PPM1B: variants seen among roughly 807,000 people sequenced by gnomAD.
PPM1B encodes protein phosphatase 1B.
In PPM1B, 22 loss-of-function variants were observed where a neutral mutation model predicts 43.0. The observed-to-expected ratio is 0.51, with a 90% CI of 0.37 to 0.73. The LOEUF is 0.73. PPM1B is among the 30% of genes least tolerant of loss of function. The pLI, the probability that PPM1B is intolerant of heterozygous loss-of-function variation, is 0.00. For missense variants in PPM1B, 632 were observed against 584.2 expected (o/e 1.08, Z -0.84); for synonymous variants, 217 against 197.9 (o/e 1.10, Z -0.81).
In PPM1B at chr2:44,176,038, C is replaced by A. The variant is rs576016163; in HGVS notation, c.-15+6764C>A. Among the ~76,000 whole-genome samples the A allele has an allele frequency of 7.9e-4, 121 of 152,236 alleles. 1 individual carries two copies. Among genetic ancestry groups the A allele is most frequent in the Non-Finnish European group, 1.2e-3 (79 of 68,022 alleles). On this transcript the variant is annotated intron_variant, in intron 1 of 5. Coordinates refer to ENST00000282412, the MANE Select transcript of PPM1B (RefSeq NM_002706.6). ...TGACCTCATGATCCACCTGCCTCGG[C>A]CTCCCCAAGTGCTGGGATTACAGGC...
downstream of PPM1B, among the ~76,000 whole-genome samples, chr2:44,244,566 CGTT>C (rs548583153): frequency 9.5e-4 from 145 of 151,938 alleles, no homozygotes; most frequent in African/African-American, 3.3e-3. Flanking sequence ...TTTAATCTGG[CGTT>C]GTTTTCCTTC....
intron 1 of PPM1B, among the ~76,000 whole-genome samples, chr2:44,195,581 GT>G (rs1424184619): frequency 6.6e-6 from 1 of 152,136 alleles, no homozygotes; most frequent in Non-Finnish European, 1.5e-5. Context: ...CACTTTTGAT[GT>G]GGGAGGATTG....
intron 2 of PPM1B, among the ~76,000 whole-genome samples, chr2:44,206,092 G>A (rs977702608): frequency 6.6e-6 from 1 of 152,198 alleles, no homozygotes; most frequent in Non-Finnish European, 1.5e-5. Flanking sequence ...TATGGCAGGG[G>A]CACTGGCGTC....
chr2:44,187,854 A>G (rs1274702459), intron 1 of PPM1B, among the ~76,000 whole-genome samples: 1 of 151,968 alleles, frequency 6.6e-6, no homozygotes, highest in Non-Finnish European at 1.5e-5. Context: ...GGTTCACGCC[A>G]TTCTCCTGCC....
At chr2:44,233,335 TTTTCA>T (rs879047434), downstream of PPM1B, 4 of 981,384 alleles carry the variant, frequency 4.1e-6, no homozygotes, top group South Asian at 1.9e-4. Flanking sequence ...GTTCAGTAAC[TTTTCA>T]TTTTATAACA....
At chr2:44,197,257 C>A (rs1668706661) in intron 1 of PPM1B, among the ~76,000 whole-genome samples, 1 of 152,096 alleles carries the variant, frequency 6.6e-6, no homozygotes, top group Admixed American at 6.6e-5. Context: ...GTAACCCAGG[C>A]TACAGCCGTG....
chr2:44,244,787 A>G (rs1670823661), downstream of PPM1B, among the ~76,000 whole-genome samples: 1 of 143,544 alleles, frequency 7.0e-6, no homozygotes, highest in Admixed American at 6.9e-5. Flanking sequence ...AGTGACTTCC[A>G]GTATCTATAT....
intron 3 of PPM1B, 132 bp downstream of exon 3, chr2:44,209,459 G>A: frequency 1.1e-6 from 1 of 951,776 alleles, no homozygotes; most frequent in Non-Finnish European, 1.5e-6. Flanking sequence ...GAGAGGGAAA[G>A]TATTCTTTTT....
downstream of PPM1B, among the ~76,000 whole-genome samples, chr2:44,232,146 A>G (rs745693118): frequency 1.3e-5 from 2 of 152,240 alleles, no homozygotes; most frequent in Non-Finnish European, 2.9e-5. Flanking sequence ...CATATTAGAT[A>G]CACGTGTACA....
rs150003156 is a variant in PPM1B, at chr2:44,241,802, A to G, written n.1547-2426A>G. Among the ~76,000 whole-genome samples the G allele has an allele frequency of 5.6e-3, 852 of 152,020 alleles. 2 individuals are homozygous for G. The highest frequency in any genetic ancestry group is 0.02 in the African/African-American group (812 of 41,436). ...TAACACAGAAATAATAGCATATGTA[A>G]GATTAAAAAAAGATCTGTCCTAAAA... On this transcript the variant is annotated intron_variant and non_coding_transcript_variant, in intron 5 of 5. Coordinates refer to the PPM1B transcript ENST00000378540.
intron 5 of PPM1B, among the ~76,000 whole-genome samples, chr2:44,229,459 T>C (rs1670372751): frequency 6.6e-6 from 1 of 152,188 alleles, no homozygotes; most frequent in Non-Finnish European, 1.5e-5. Context: ...ACCTGTTTTT[T>C]TCCCCTTGAA....
intron 2 of PPM1B, among the ~76,000 whole-genome samples, chr2:44,202,684 A>T (rs746600565): frequency 8.5e-5 from 13 of 152,228 alleles, no homozygotes; most frequent in Admixed American, 2.6e-4. Flanking sequence ...ATTTCTGATT[A>T]AAAACCAAAG....
At chr2:44,191,186 A>G (rs1400943723) in intron 1 of PPM1B, among the ~76,000 whole-genome samples, 1 of 152,096 alleles carries the variant, frequency 6.6e-6, no homozygotes, top group Non-Finnish European at 1.5e-5. Context: ...TATGTAAACT[A>G]ATCTGTTGCT....
chr2:44,197,578 A>G (rs1017203131), intron 1 of PPM1B, among the ~76,000 whole-genome samples: 2 of 152,204 alleles, frequency 1.3e-5, no homozygotes, highest in Admixed American at 6.5e-5. Flanking sequence ...TATGACATTG[A>G]GTTGCCTTTT....
Position 44,201,479 on chromosome 2 carries a change from G to T in PPM1B, c.280G>T (p.Ala94Ser). ...DFRAAGKSGS[A>S]LELSVENVKN... ...TAGGGCAGCTGGAAAATCAGGATCT[G>T]CTCTTGAGCTTTCAGTGGAAAATGT... Residue 94 changes from alanine to serine, a missense_variant, in exon 2 of 6, where the codon GCT becomes TCT. Around this residue, in one of 3 missense-constraint regions of PPM1B, gnomAD observed 200 missense variants for 200.7 expected, o/e 1.00. Coordinates refer to ENST00000282412, the MANE Select transcript of PPM1B (RefSeq NM_002706.6). The surrounding 1 kb of genome is among the most constrained non-coding windows in gnomAD (Gnocchi z 5.4). The T allele has an allele frequency of 1.2e-6, 2 of 1,614,182 alleles. No individual in the cohort carries two copies. Among genetic ancestry groups the T allele is most frequent in the Non-Finnish European group, 1.7e-6 (2 of 1,180,006 alleles).
At chr2:44,174,643 C>G (rs1444717057) in intron 1 of PPM1B, among the ~76,000 whole-genome samples, 1 of 152,216 alleles carries the variant, frequency 6.6e-6, no homozygotes, top group East Asian at 1.9e-4. Context: ...AGAAGCAGTT[C>G]TGATCAATAA....
downstream of PPM1B, among the ~76,000 whole-genome samples, chr2:44,239,592 A>G (rs1670702482): frequency 6.6e-6 from 1 of 152,170 alleles, no homozygotes; most frequent in African/African-American, 2.4e-5. Context: ...TGTAGTAACA[A>G]GGCTGAGGGG....
intron 1 of PPM1B, among the ~76,000 whole-genome samples, chr2:44,185,248 G>A (rs1314624245): frequency 6.6e-6 from 1 of 152,090 alleles, no homozygotes; most frequent in Non-Finnish European, 1.5e-5. Flanking sequence ...ATTTGGAAAA[G>A]CATGACAAGT....
In PPM1B at chr2:44,224,117, C is replaced by G. The variant is rs141814584; in HGVS notation, c.1134+5580C>G. On this transcript the variant is annotated intron_variant, in intron 5 of 5. Transcript: ENST00000282412. ...TAGGACTTCATAAGAAACATTTTTACTAGTGTTTACTTTTTCTCTACTGTT... is the reference window on the plus strand; with the variant it reads ...TAGGACTTCATAAGAAACATTTTTAGTAGTGTTTACTTTTTCTCTACTGTT... Among the ~76,000 whole-genome samples the G allele has an allele frequency of 2.1e-3, 324 of 152,094 alleles. 1 individual carries two copies. Among genetic ancestry groups the G allele is most frequent in the Admixed American group, 3.7e-3 (57 of 15,274 alleles).
Sources: gnomAD v4.1 joint callset for allele counts (sites outside exome capture counted in the v4.1 genomes callset) on GRCh38, gnomAD v4.1.1 for gene constraint, gnomAD v4.1.1 regional missense constraint, Gnocchi (gnomAD v3.1) non-coding constraint, MANE v1.5 for transcripts, NCBI Gene and HGNC (gene_info 2026-07-23, HGNC 2026-07-21) for gene names.